PTGER4: variants seen among roughly 807,000 people sequenced by gnomAD.
The protein encoded by PTGER4 is prostaglandin E2 receptor EP4 subtype.
PTGER4 carries 11 observed loss-of-function variants against 33.2 expected under a neutral mutation model. The observed-to-expected ratio is 0.33, with a 90% CI of 0.21 to 0.55. PTGER4 has a LOEUF of 0.55. Among genes scored for constraint, PTGER4 ranks in the 20% least tolerant of loss-of-function variants. The pLI, the probability that PTGER4 is intolerant of heterozygous loss-of-function variation, is 0.92. For synonymous variants in PTGER4, 275 were observed against 281.5 expected (o/e 0.98, Z 0.23); for missense variants, 481 against 650.2 (o/e 0.74, Z 2.83).
At chr5:40,737,875 T>A in the PTGER4 span, among the ~76,000 whole-genome samples, 1 of 152,228 alleles carries the variant, frequency 6.6e-6, no homozygotes, top group Non-Finnish European at 1.5e-5. Context: ...TTAGCATGTT[T>A]CTGAGATGTC....
Position 40,680,823 on chromosome 5 carries a change from A to T in PTGER4, c.-43-128A>T. The T allele has an allele frequency of 1.2e-6, 1 of 866,304 alleles. No individual in the cohort carries two copies. Among genetic ancestry groups the T allele is most frequent in the Non-Finnish European group, 1.8e-6 (1 of 565,736 alleles). The allele number at this position is 866,304 out of a possible 1,614,324, so 53.7% of individuals were successfully genotyped here. ...GTGGCCGCAGTTGGTAAGTGGCTAC[A>T]ATCCAGAAAGTAGGATCGAGTTGCT... On this transcript the variant is annotated intron_variant, in intron 1 of 2. Transcript: ENST00000302472. This position sits in a 1 kb window ranked among gnomAD's most constrained non-coding sequence, Gnocchi z 5.5.
the PTGER4 span, among the ~76,000 whole-genome samples, chr5:40,711,375 G>A: frequency 3.9e-5 from 6 of 152,064 alleles, no homozygotes; most frequent in Non-Finnish European, 7.4e-5. Context: ...TTAAAAGACT[G>A]ACAATATCAA....
the PTGER4 span, among the ~76,000 whole-genome samples, chr5:40,744,487 GT>G: frequency 1.5e-4 from 20 of 136,404 alleles, no homozygotes; most frequent in Non-Finnish European, 2.6e-4. Flanking sequence ...ACTCTTACCA[GT>G]TTTTTTTTTT....
the PTGER4 span, chr5:40,715,327 T>C: frequency 6.4e-4 from 97 of 152,330 alleles, no homozygotes; most frequent in African/African-American, 2.3e-3. Flanking sequence ...AGTATTGGTT[T>C]TGACTGGGAT....
the PTGER4 span, among the ~76,000 whole-genome samples, chr5:40,713,077 C>A: frequency 6.6e-6 from 1 of 151,902 alleles, no homozygotes; most frequent in South Asian, 2.1e-4. Context: ...TCAAATACAT[C>A]AGTTTAATAA....
chr5:40,711,365 T>G, the PTGER4 span, among the ~76,000 whole-genome samples: 25 of 152,106 alleles, frequency 1.6e-4, no homozygotes, highest in Non-Finnish European at 3.7e-4. Context: ...TGTCTAAAAT[T>G]TAAAAGACTG....
In PTGER4 at chr5:40,691,652, C is replaced by T; in HGVS notation, c.868-127C>T. ...TTTCTGAGGCTTATTATGTAGCTTC[C>T]TCTTTTCCTGGAACTTGTTACCAGA... On this transcript the variant is annotated intron_variant, in intron 2 of 2. Transcript: ENST00000302472. The surrounding 1 kb of genome is among the most constrained non-coding windows in gnomAD (Gnocchi z 4.2). 3 of 1,319,670 alleles carry T rather than the reference C, an allele frequency of 2.3e-6. No homozygotes were observed. Among genetic ancestry groups the T allele is most frequent in the Non-Finnish European group, 3.1e-6 (3 of 970,738 alleles). 81.7% of individuals were successfully genotyped at this position (1,319,670 alleles called of 1,614,324 possible). A position where few individuals can be genotyped will look rare whatever the true frequency, so the allele number is the denominator to read the frequency against.
intron 2 of PTGER4, among the ~76,000 whole-genome samples, chr5:40,690,188 C>T (rs1051680374): frequency 6.6e-6 from 1 of 151,898 alleles, no homozygotes; most frequent in Non-Finnish European, 1.5e-5. Flanking sequence ...AAAATAATAA[C>T]AGTTAGCCAG....
chr5:40,744,821 C>G, the PTGER4 span, among the ~76,000 whole-genome samples: 1 of 152,162 alleles, frequency 6.6e-6, no homozygotes, highest in Non-Finnish European at 1.5e-5. Context: ...TGGCTCTCAA[C>G]AGATACCAAA....
intron 2 of PTGER4, among the ~76,000 whole-genome samples, chr5:40,686,063 A>G (rs1741317095): frequency 6.6e-6 from 1 of 152,226 alleles, no homozygotes; most frequent in Non-Finnish European, 1.5e-5. Flanking sequence ...CACCCAGTCA[A>G]TAATTATTTC....
chr5:40,711,002 A>G, the PTGER4 span, among the ~76,000 whole-genome samples: 1 of 152,176 alleles, frequency 6.6e-6, no homozygotes, highest in African/African-American at 2.4e-5. Flanking sequence ...GGTGCAGCAC[A>G]GCAACATGGT....
chr5:40,727,165 A>T, the PTGER4 span, among the ~76,000 whole-genome samples: 1 of 152,242 alleles, frequency 6.6e-6, no homozygotes, highest in African/African-American at 2.4e-5. Flanking sequence ...AAGCTCAGTC[A>T]TCCACAATTT....
the PTGER4 span, chr5:40,714,941 T>C: frequency 6.6e-6 from 1 of 152,086 alleles, no homozygotes; most frequent in African/African-American, 2.4e-5. Context: ...ATTATTGTAC[T>C]ACAATATATA....
intron 2 of PTGER4, chr5:40,685,525 T>C (rs1741302059): frequency 1.1e-6 from 1 of 947,538 alleles, no homozygotes. Context: ...TTTGTTCAAA[T>C]AAATTTGGCT....
At chr5:40,706,183 G>A in the PTGER4 span, among the ~76,000 whole-genome samples, 16 of 152,230 alleles carry the variant, frequency 1.1e-4, no homozygotes, top group East Asian at 1.9e-4. Context: ...ATGGGAACAC[G>A]GATGGAGCTG....
In PTGER4 at chr5:40,681,720, G is replaced by T; in HGVS notation, c.727G>T (p.Ala243Ser). 6.3e-7 allele frequency: 1 copy of T among 1,593,346 alleles called. No homozygotes were observed. Among genetic ancestry groups the T allele is most frequent in the Non-Finnish European group, 8.5e-7 (1 of 1,174,184 alleles). ...AASVASRGHP[A>S]ASPALPRLSD... is the part of the protein sequence containing the mutation. Reference sequence around the variant, plus strand: ...CTCGGTTGCCTCCCGGGGCCACCCCGCTGCCTCCCCAGCCTTGCCGCGCCT... The same window carrying T: ...CTCGGTTGCCTCCCGGGGCCACCCCTCTGCCTCCCCAGCCTTGCCGCGCCT... Residue 243 changes from alanine (A) to serine (S), a missense_variant, in exon 2 of 3, where the codon GCT (alanine) becomes TCT (serine). Coordinates refer to ENST00000302472, the MANE Select transcript of PTGER4 (RefSeq NM_000958.3). The surrounding 1 kb of genome is among the most constrained non-coding windows in gnomAD (Gnocchi z 9.8).
the PTGER4 span, among the ~76,000 whole-genome samples, chr5:40,726,813 A>G: frequency 6.6e-6 from 1 of 152,168 alleles, no homozygotes. Flanking sequence ...ATAGTGATGT[A>G]TAAATTTTTA....
the PTGER4 span, among the ~76,000 whole-genome samples, chr5:40,736,708 C>T: frequency 6.6e-6 from 1 of 152,256 alleles, no homozygotes; most frequent in Non-Finnish European, 1.5e-5. Context: ...AGGTAGCATG[C>T]TTTTACATGG....
the PTGER4 span, among the ~76,000 whole-genome samples, chr5:40,709,267 T>C: frequency 1.3e-5 from 2 of 152,206 alleles, no homozygotes; most frequent in African/African-American, 4.8e-5. Flanking sequence ...ATGACATAAT[T>C]GTATATCTAG....
Sources: gnomAD v4.1 joint callset for allele counts (sites outside exome capture counted in the v4.1 genomes callset) on GRCh38, gnomAD v4.1.1 for gene constraint, Gnocchi (gnomAD v3.1) non-coding constraint, MANE v1.5 for transcripts, NCBI Gene and HGNC (gene_info 2026-07-23, HGNC 2026-07-21) for gene names.